Variants in SPTB observed in about 807,000 individuals in gnomAD.
The protein encoded by SPTB is spectrin beta, erythrocytic, also known as spectrin beta chain, erythrocytic.
In SPTB, 45 loss-of-function variants were observed where a neutral mutation model predicts 256.2. The observed-to-expected ratio is 0.18, with a 90% confidence interval of 0.14 to 0.23. The LOEUF (loss-of-function observed/expected upper bound fraction) is 0.23, where lower values mean the gene tolerates loss of function less well. SPTB is among the 10% of genes least tolerant of loss of function. The pLI is 1.00. For synonymous variants in SPTB, 1,231 were observed against 1,243.1 expected, an observed-to-expected ratio of 0.99 and a Z score of 0.21; for missense variants, 2,715 against 3,040.4, an observed-to-expected ratio of 0.89 and a Z score of 2.52.
chr14:64,781,619 AG>A (rs1434151573), intron 20 of SPTB, among the ~76,000 whole-genome samples: 1 of 152,230 alleles, frequency 6.6e-6, no homozygotes, highest in African/African-American at 2.4e-5. Context: ...CGTTGGTGGG[AG>A]TGTAAATTAG....
chr14:64,822,370 T>TCA (rs2083305230), intron 2 of SPTB, among the ~76,000 whole-genome samples: 5 of 1,470 alleles, frequency 3.4e-3, no homozygotes, highest in African/African-American at 8.5e-3. Context: ...TCTCTCTCTC[T>TCA]CTCTCACACA....
Position 64,785,428 on chromosome 14 carries a change from C to T in SPTB, c.3855+109G>A, listed in dbSNP as rs2082546286. ...ACCCAGAGGTCCCCGCTCATGGAAT[C>T]CCACAGCTCTTGAGCTAGAAAGGAT... On this transcript the variant is annotated intron_variant, in intron 18 of 35. Coordinates refer to ENST00000644917, the MANE Select transcript of SPTB (RefSeq NM_001355436.2). This position sits in a 1 kb window ranked among gnomAD's most constrained non-coding sequence, Gnocchi z 4.4. The T allele has an allele frequency of 2.0e-6, 2 of 984,904 alleles. No individual in the cohort carries two copies. The highest frequency in any genetic ancestry group is 3.1e-6 in the Non-Finnish European group (2 of 637,094). The allele number at this position is 984,904 out of a possible 1,614,324, so 61.0% of individuals were successfully genotyped here.
At chr14:64,801,553 T>C (rs993856044) in intron 6 of SPTB, among the ~76,000 whole-genome samples, 153 bp from the exon 7 acceptor site, 1 of 150,588 alleles carries the variant, frequency 6.6e-6, no homozygotes, top group Non-Finnish European at 1.5e-5. Flanking sequence ...AGGGGGCAGG[T>C]GTGAGCCTTG....
intron 2 of SPTB, among the ~76,000 whole-genome samples, chr14:64,817,530 T>G (rs938283380): frequency 2.0e-5 from 3 of 152,232 alleles, no homozygotes; most frequent in Non-Finnish European, 4.4e-5. Context: ...GGGGGGAACA[T>G]GGACAACTGG....
rs767934589 is a variant in SPTB, at chr14:64,841,617, C to T, written c.-51-18472G>A. Reference sequence around the variant, plus strand: ...TGTGAGGATTGCCAAGCACTTTTTCCCCCAAATCGACACAGACATGGAGAA... The same window carrying T: ...TGTGAGGATTGCCAAGCACTTTTTCTCCCAAATCGACACAGACATGGAGAA... On this transcript the variant is annotated intron_variant, in intron 1 of 35. Coordinates refer to ENST00000644917, the MANE Select transcript of SPTB (RefSeq NM_001355436.2). The surrounding 1 kb of genome is among the most constrained non-coding windows in gnomAD (Gnocchi z 4.6). Among the ~76,000 whole-genome samples, 4 of 152,018 alleles carry T rather than the reference C, an allele frequency of 2.6e-5. No homozygotes were observed. The highest frequency in any genetic ancestry group is 5.9e-5 in the Non-Finnish European group (4 of 67,998).
chr14:64,819,887 G>C (rs775808189), intron 2 of SPTB, among the ~76,000 whole-genome samples: 78 of 152,220 alleles, frequency 5.1e-4, no homozygotes, highest in Non-Finnish European at 9.1e-4. Flanking sequence ...AAAAACTTCC[G>C]TAAACTTTAT....
chr14:64,799,709 C>T, intron 9 of SPTB, 38 bp downstream of exon 9: 2 of 1,611,880 alleles, frequency 1.2e-6, no homozygotes, highest in Non-Finnish European at 1.7e-6. Flanking sequence ...AGTTTCCCAG[C>T]CACTGAGGAC....
chr14:64,864,300 A>AAG (rs1882027337), intron 1 of SPTB, among the ~76,000 whole-genome samples: 1 of 150,884 alleles, frequency 6.6e-6, no homozygotes. Flanking sequence ...CTTAAAAAAA[A>AAG]AGGCCAGGTG....
At chr14:64,804,593 A>G (rs170680) in intron 3 of SPTB, among the ~76,000 whole-genome samples, 27,495 of 152,054 alleles carry the variant, frequency 0.18, 3,669 homozygotes, top group African/African-American at 0.37. Context: ...TGGCTTCCAC[A>G]CTTTCCTCTT....
rs369494545 is a variant in SPTB, at chr14:64,852,824, T to C, written c.-52+26968A>G. On this transcript the variant is annotated intron_variant, in intron 1 of 35. Transcript: ENST00000644917. The surrounding 1 kb of genome is among the most constrained non-coding windows in gnomAD (Gnocchi z 4.2). The stretch of plus-strand genomic sequence containing the variant: ...CCTGTGCTCACCATAATGTTAGGTG[T>C]TGGGATGCAATAATGAAGCAAAATA... Among the ~76,000 whole-genome samples the C allele has an allele frequency of 3.5e-4, 54 of 152,276 alleles. No homozygotes were observed. Among genetic ancestry groups the C allele is most frequent in the African/African-American group, 1.3e-3 (54 of 41,540 alleles).
chr14:64,793,342 T>A lies in SPTB; in HGVS notation c.2321A>T (p.Asp774Val), dbSNP rs1162556241. ...RLLSGEDVGQDEGATRALGKK... is the reference protein window; with the variant it reads ...RLLSGEDVGQVEGATRALGKK... The stretch of plus-strand genomic sequence containing the variant: ...CCCCAGGGCCCGCGTGGCCCCTTCG[T>A]CCTGCCCCACATCTTCACCAGAGAG... The change falls in exon 14 of 36, where the codon GAC becomes GTC. Residue 774 changes from aspartate (D) to valine (V), a missense_variant. By Grantham distance (152) the Asp-to-Val change is radical. Coordinates refer to ENST00000644917, the MANE Select transcript of SPTB (RefSeq NM_001355436.2). This position sits in a 1 kb window ranked among gnomAD's most constrained non-coding sequence, Gnocchi z 7.0. 4.3e-6 allele frequency: 7 copies of A among 1,610,998 alleles called. No individual in the cohort carries two copies. The South Asian group carries it at 7.7e-5, about 18-fold the overall frequency.
chr14:64,810,553 G>A (rs541912700), intron 2 of SPTB, among the ~76,000 whole-genome samples: 6 of 152,190 alleles, frequency 3.9e-5, no homozygotes, highest in Middle Eastern at 3.4e-3. Flanking sequence ...GGTGTTGCGC[G>A]CCTGTAATCC....
rs1417355603 is a variant in SPTB at position 64,852,154 on chromosome 14, G to T, written c.-52+27638C>A. The stretch of plus-strand genomic sequence containing the variant: ...TGGGAGCAGAGTAGACACACAGAAG[G>T]CCTTCTGCAAGGGTGGACGATGAGT... On this transcript the variant is annotated intron_variant, in intron 1 of 35. Coordinates refer to ENST00000644917, the MANE Select transcript of SPTB (RefSeq NM_001355436.2). This position sits in a 1 kb window ranked among gnomAD's most constrained non-coding sequence, Gnocchi z 4.2. Among the ~76,000 whole-genome samples the T allele has an allele frequency of 6.6e-6, 1 of 152,208 alleles. No individual in the cohort carries two copies. Among genetic ancestry groups the T allele is most frequent in the Non-Finnish European group, 1.5e-5 (1 of 68,028 alleles).
intron 2 of SPTB, among the ~76,000 whole-genome samples, chr14:64,821,470 TG>T (rs754221528): frequency 7.9e-5 from 12 of 152,222 alleles, no homozygotes; most frequent in Non-Finnish European, 1.8e-4. Flanking sequence ...TACCTTGCTT[TG>T]GCAAATCTTA....
chr14:64,762,474 C>G (rs530536343), intron 32 of SPTB, among the ~76,000 whole-genome samples: 34 of 152,342 alleles, frequency 2.2e-4, no homozygotes, highest in Non-Finnish European at 1.5e-5. Context: ...CAGCTGGAGC[C>G]AGCCAGACAC....
chr14:64,784,304 G>T lies in SPTB; in HGVS notation c.3945C>A (p.His1315Gln), dbSNP rs766175855. Residue 1315 changes from histidine to glutamine, a missense_variant, in exon 19 of 36, where the codon CAC becomes CAA. Coordinates refer to ENST00000644917, the MANE Select transcript of SPTB (RefSeq NM_001355436.2). ...AAGCCAGCTCTGCCACAAACGCCTGGTGCTTTAGCCATTTATTGTGAAGGT... is the reference window on the plus strand; with the variant it reads ...AAGCCAGCTCTGCCACAAACGCCTGTTGCTTTAGCCATTTATTGTGAAGGT... ...ARNLHNKWLK[H>Q]QAFVAELASH... The T allele has an allele frequency of 6.2e-7, 1 of 1,614,216 alleles. No homozygotes were observed. The highest frequency in any genetic ancestry group is 1.7e-5 in the Admixed American group (1 of 60,022).
intron 1 of SPTB, among the ~76,000 whole-genome samples, chr14:64,832,583 A>G (rs1433488786): frequency 6.6e-6 from 1 of 152,098 alleles, no homozygotes; most frequent in African/African-American, 2.4e-5. Context: ...TTCTGAACCC[A>G]TCGTGTCCAA....
chr14:64,822,332 G>A (rs141621287), intron 2 of SPTB, among the ~76,000 whole-genome samples: 266 of 77,672 alleles, frequency 3.4e-3, no homozygotes, highest in African/African-American at 0.014. Flanking sequence ...AGAGATTTAA[G>A]ATATTCTCCA....
At chr14:64,801,502 T>C (rs973285942) in intron 6 of SPTB, 102 bp from the exon 7 acceptor site, 1 of 937,134 alleles carries the variant, frequency 1.1e-6, no homozygotes, top group South Asian at 1.3e-5. Flanking sequence ...AGGGAGGTGG[T>C]CAGGCAGGAG....
Sources: gnomAD v4.1 joint callset for allele counts (sites outside exome capture counted in the v4.1 genomes callset) on GRCh38, gnomAD v4.1.1 for gene constraint, Gnocchi (gnomAD v3.1) non-coding constraint, MANE v1.5 for transcripts, NCBI Gene and HGNC (gene_info 2026-07-23, HGNC 2026-07-21) for gene names.